CNTNAP1: variants seen among roughly 807,000 people sequenced by gnomAD.
The protein encoded by CNTNAP1 is contactin-associated protein 1.
In CNTNAP1, 80 loss-of-function variants were observed where a neutral mutation model predicts 161.5. The ratio of observed to expected loss-of-function variants is 0.50; its 90% CI spans 0.41 to 0.60. CNTNAP1 has a LOEUF of 0.60. CNTNAP1 is among the 20% of genes least tolerant of loss of function. The pLI, the probability that CNTNAP1 is intolerant of heterozygous loss-of-function variation, is 0.00. For synonymous variants in CNTNAP1, 695 were observed against 733.1 expected (o/e 0.95, Z 0.84); for missense variants, 1,464 against 1,854.8 (o/e 0.79, Z 3.87).
At chr17:42,692,194 T>G (rs1477942473) in intron 16 of CNTNAP1, among the ~76,000 whole-genome samples, 1 of 152,208 alleles carries the variant, frequency 6.6e-6, no homozygotes, top group Non-Finnish European at 1.5e-5. Context: ...TCTCTTGGCC[T>G]TAAGCCCCTT....
At chr17:42,693,963 C>T (rs1481790883) in intron 18 of CNTNAP1, among the ~76,000 whole-genome samples, 1 of 151,338 alleles carries the variant, frequency 6.6e-6, no homozygotes, top group Admixed American at 6.6e-5. Context: ...CTGGTTCAAG[C>T]GATTCTTTTG....
Position 42,698,226 on chromosome 17 carries a change from A to G in CNTNAP1, c.3862+276A>G, listed in dbSNP as rs1057490551. ...GCTACAGATTTTTAAATAAAATATT[A>G]AAATGAGACTATAGCTAAGGGATGG... On this transcript the variant is annotated intron_variant, in intron 23 of 23. Transcript: ENST00000264638. Among the ~76,000 whole-genome samples, 7 of 152,222 alleles carry G rather than the reference A, an allele frequency of 4.6e-5. No individual in the cohort carries two copies. In the East Asian group the frequency reaches 1.3e-3, roughly 29 times the overall value.
In CNTNAP1 at chr17:42,685,831, T is replaced by C. The variant is rs1597804508; in HGVS notation, c.716-126T>C. The stretch of plus-strand genomic sequence containing the variant: ...CCTGTCACACACTCGCCAATGGCTG[T>C]TGATCTATTCGCCCACTCTCCCTGA... On this transcript the variant is annotated intron_variant, in intron 5 of 23. Coordinates refer to ENST00000264638, the MANE Select transcript of CNTNAP1 (RefSeq NM_003632.3). The surrounding 1 kb of genome is among the most constrained non-coding windows in gnomAD (Gnocchi z 5.0). 1 of 970,962 alleles carries C rather than the reference T, an allele frequency of 1.0e-6. No individual in the cohort carries two copies. The highest frequency in any genetic ancestry group is 1.6e-5 in the South Asian group (1 of 60,926). 60.1% of individuals were successfully genotyped at this position (970,962 alleles called of 1,614,324 possible).
chr17:42,683,830 AC>A lies in CNTNAP1; in HGVS notation c.78del (p.Asp26GlufsTer33). The A allele has an allele frequency of 6.2e-7, 1 of 1,611,732 alleles. No individual in the cohort carries two copies. Among genetic ancestry groups the A allele is most frequent in the Non-Finnish European group, 8.5e-7 (1 of 1,179,938 alleles). On this transcript the variant is annotated frameshift_variant, in exon 2 of 24. Transcript: ENST00000264638. LOFTEE classifies it high-confidence loss of function. Reference protein sequence around the residue: ...GAEGWGYYGCDEELVGPLYAR... With the variant: ...GAEGWGYYGCXEELVGPLYAR... The stretch of plus-strand genomic sequence containing the variant: ...GGTTTCCCTACCCTAGACGGCTGCG[AC>A]GAGGAGCTGGTGGGTCCCCTGTATG...
chr17:42,697,558 A>T lies in CNTNAP1; in HGVS notation c.3573A>T (p.Thr1191=), dbSNP rs773634370. The change falls in exon 22 of 24, where the codon ACA becomes ACT. Residue 1191 remains threonine, a synonymous_variant. Coordinates refer to ENST00000264638, the MANE Select transcript of CNTNAP1 (RefSeq NM_003632.3). ...KALYLGRVME[T]GVIDPEIQRY... ...CTGGGCCTGCCTCTCTCTCAGAGAC[A>T]GGAGTCATTGACCCGGAGATCCAGC... 6.2e-7 allele frequency: 1 copy of T among 1,614,048 alleles called. No individual in the cohort carries two copies. The highest frequency in any genetic ancestry group is 8.5e-7 in the Non-Finnish European group (1 of 1,179,986).
Position 42,687,136 on chromosome 17 carries a change from T to C in CNTNAP1, c.1044+90T>C. Reference sequence around the variant, plus strand: ...GCGGGAAGAGATATTGAACATCAGATAAAAGCGGAGAATCCCTCTGTCCCC... The same window carrying C: ...GCGGGAAGAGATATTGAACATCAGACAAAAGCGGAGAATCCCTCTGTCCCC... On this transcript the variant is annotated intron_variant, in intron 7 of 23. Coordinates refer to ENST00000264638, the MANE Select transcript of CNTNAP1 (RefSeq NM_003632.3). This position sits in a 1 kb window ranked among gnomAD's most constrained non-coding sequence, Gnocchi z 4.7. The C allele has an allele frequency of 3.9e-6, 6 of 1,519,804 alleles. No homozygotes were observed. Among genetic ancestry groups the C allele is most frequent in the Non-Finnish European group, 5.4e-6 (6 of 1,120,624 alleles). The allele number at this position is 1,519,804 out of a possible 1,614,324, so 94.1% of individuals were successfully genotyped here.
In CNTNAP1 at chr17:42,684,156, T is replaced by C; in HGVS notation, c.290T>C (p.Val97Ala). Residue 97 changes from valine to alanine, a missense_variant, in exon 3 of 24, where the codon GTC becomes GCC. By Grantham distance (64) the Val-to-Ala change is moderately conservative. Coordinates refer to ENST00000264638, the MANE Select transcript of CNTNAP1 (RefSeq NM_003632.3). ...GGCTCCTTTAATTCTTGGGACTGGG[T>C]CACACGTTACATGCTACTCTACGGC... is the stretch of plus-strand genomic sequence containing the variant. Reference protein sequence around the residue: ...TQGSFNSWDWVTRYMLLYGDR... With the variant: ...TQGSFNSWDWATRYMLLYGDR... The C allele has an allele frequency of 6.2e-7, 1 of 1,614,122 alleles. No homozygotes were observed. The highest frequency in any genetic ancestry group is 8.5e-7 in the Non-Finnish European group (1 of 1,180,014).
In CNTNAP1 at chr17:42,683,942, A is replaced by G. The variant is rs1280001705; in HGVS notation, c.169+20A>G. ...TGCACGGTGAGCTCCGCGGAACATC[A>G]GCTGCCAACTGGCAGCGCACCGCGG... is the stretch of plus-strand genomic sequence containing the variant. On this transcript the variant is annotated intron_variant, in intron 2 of 23. Coordinates refer to ENST00000264638, the MANE Select transcript of CNTNAP1 (RefSeq NM_003632.3). The G allele has an allele frequency of 1.9e-6, 3 of 1,613,386 alleles. No homozygotes were observed. The South Asian group carries it at 3.3e-5, about 18-fold the overall frequency.
At chr17:42,686,806 C>A in intron 6 of CNTNAP1, 97 bp from the exon 7 acceptor site, 1 of 1,388,070 alleles carries the variant, frequency 7.2e-7, no homozygotes. Context: ...TTTTACAAAA[C>A]CCCATCTGGC....
chr17:42,687,670 G>A lies in CNTNAP1; in HGVS notation c.1045-50G>A. The A allele has an allele frequency of 6.3e-7, 1 of 1,592,922 alleles. No homozygotes were observed. The highest frequency in any genetic ancestry group is 8.6e-7 in the Non-Finnish European group (1 of 1,168,036). The stretch of plus-strand genomic sequence containing the variant: ...CGGTGTGAAAACTGAATTCCCAGCT[G>A]AGGCAGAGGCGGCTCACGGGTGTTG... On this transcript the variant is annotated intron_variant, in intron 7 of 23. Transcript: ENST00000264638. The surrounding 1 kb of genome is among the most constrained non-coding windows in gnomAD (Gnocchi z 4.7).
chr17:42,682,618 G>A lies in CNTNAP1; in HGVS notation c.-212G>A, dbSNP rs1301596187. 11 of 595,362 alleles carry A rather than the reference G, an allele frequency of 1.8e-5. No homozygotes were observed. The highest frequency in any genetic ancestry group is 1.6e-4 in the South Asian group (8 of 50,912). The allele number at this position is 595,362 out of a possible 1,614,324, so 36.9% of individuals were successfully genotyped here. A position where few individuals can be genotyped will look rare whatever the true frequency, so the allele number is the denominator to read the frequency against. On this transcript the variant is annotated 5_prime_UTR_variant, in exon 1 of 24. Coordinates refer to ENST00000264638, the MANE Select transcript of CNTNAP1 (RefSeq NM_003632.3). ...GAAAGGAGAGGATAGAGAGAGAAGA[G>A]CGGAGGACCAGGAACCAGAGAGAGA...
At chr17:42,698,580 A>C in intron 23 of CNTNAP1, 38 bp from the exon 24 acceptor site, 1 of 1,523,796 alleles carries the variant, frequency 6.6e-7, no homozygotes. Context: ...TACAGGTGAG[A>C]TCCCAAAGAT....
At position 42,695,511 on chromosome 17, in the gene CNTNAP1, C is replaced by T; in HGVS notation, c.2993-10C>T. The T allele has an allele frequency of 2.5e-6, 4 of 1,596,384 alleles. No individual in the cohort carries two copies. The highest frequency in any genetic ancestry group is 3.4e-6 in the Non-Finnish European group (4 of 1,167,222). On this transcript the variant is annotated splice_polypyrimidine_tract_variant and intron_variant, in intron 18 of 23. Coordinates refer to ENST00000264638, the MANE Select transcript of CNTNAP1 (RefSeq NM_003632.3). ...TGTGGGGGCCCTAACCTCCCTGCTT[C>T]TACCTGCAGATATTGGTGGTTTCTT...
Position 42,696,127 on chromosome 17 carries a change from G to A in CNTNAP1, c.3449G>A (p.Arg1150His), listed in dbSNP as rs751189554. 29 of 1,614,088 alleles carry A rather than the reference G, an allele frequency of 1.8e-5. No individual in the cohort carries two copies. Among genetic ancestry groups the A allele is most frequent in the Non-Finnish European group, 2.2e-5 (26 of 1,180,012 alleles). ...DGQPHSINIT[R>H]VYRNLFIQVD... ...CAGCCCCATAGCATCAATATCACCCGTGTTTACCGGAACCTCTTCATCCAG... is the reference window on the plus strand; with the variant it reads ...CAGCCCCATAGCATCAATATCACCCATGTTTACCGGAACCTCTTCATCCAG... Residue 1150 changes from arginine (R) to histidine (H), a missense_variant, in exon 20 of 24, where the codon CGT becomes CAT. Physicochemically the swap from Arg to His is conservative, Grantham distance 29. Coordinates refer to ENST00000264638, the MANE Select transcript of CNTNAP1 (RefSeq NM_003632.3).
At chr17:42,686,377 T>A (rs941518190) in intron 6 of CNTNAP1, among the ~76,000 whole-genome samples, 11 of 149,852 alleles carry the variant, frequency 7.3e-5, no homozygotes, top group South Asian at 2.1e-4. Context: ...TACCTCTATT[T>A]AAAAAAATTT....
rs781106916 is a variant in CNTNAP1, at chr17:42,691,443, T to C, written c.2276T>C (p.Ile759Thr). Residue 759 changes from isoleucine (I) to threonine (T), a missense_variant, in exon 15 of 24, where the codon ATA becomes ACA. Ile to Thr is a moderately conservative substitution (Grantham distance 89). Around this residue, in one of 3 missense-constraint regions of CNTNAP1, gnomAD observed 1,383 missense variants for 1,765.0 expected, o/e 0.78. Coordinates refer to ENST00000264638, the MANE Select transcript of CNTNAP1 (RefSeq NM_003632.3). This position sits in a 1 kb window ranked among gnomAD's most constrained non-coding sequence, Gnocchi z 4.3. ...VDHLPVTQVVIGDTNRSTSEA... is the reference protein window; with the variant it reads ...VDHLPVTQVVTGDTNRSTSEA... ...CATCTGCCTGTCACTCAGGTAGTGA[T>C]AGGGGATACGAACCGCTCCACTTCT... 5 of 1,613,950 alleles carry C rather than the reference T, an allele frequency of 3.1e-6. No homozygotes were observed. The highest frequency in any genetic ancestry group is 1.6e-4 in the Middle Eastern group (1 of 6,084).
In CNTNAP1 at chr17:42,692,579, A is replaced by G. The variant is rs760298762; in HGVS notation, c.2611A>G (p.Asn871Asp). Residue 871 changes from asparagine to aspartate, a missense_variant, in exon 17 of 24, where the codon AAT becomes GAT. Transcript: ENST00000264638. The part of the protein sequence containing the change: ...LTVHSDDFEF[N>D]DDEWHLVRAE... ...AGTACACTCAGACGACTTTGAGTTC[A>G]ATGATGACGAGTGGCACCTGGTCCG... 3 of 1,614,224 alleles carry G rather than the reference A, an allele frequency of 1.9e-6. No homozygotes were observed. The highest frequency in any genetic ancestry group is 1.7e-5 in the Admixed American group (1 of 60,028).
At position 42,682,805 on chromosome 17, in the gene CNTNAP1, C is replaced by T; in HGVS notation, c.-25C>T. ...CTAGCCGGAGCCGTTCACAGGGAGG[C>T]GGCTGCCGGGACCGTCAGCCCTGCA... On this transcript the variant is annotated 5_prime_UTR_variant, in exon 1 of 24. Transcript: ENST00000264638. 2.6e-6 allele frequency: 4 copies of T among 1,553,898 alleles called. No homozygotes were observed. Among genetic ancestry groups the T allele is most frequent in the Non-Finnish European group, 3.5e-6 (4 of 1,151,440 alleles).
chr17:42,690,566 T>C (rs1351440333), intron 12 of CNTNAP1, among the ~76,000 whole-genome samples, 173 bp from the exon 13 acceptor site: 1 of 150,628 alleles, frequency 6.6e-6, no homozygotes, highest in East Asian at 1.9e-4. Flanking sequence ...TCCTTACCCA[T>C]TCCAGCTATC....
Sources: gnomAD v4.1 joint callset for allele counts (sites outside exome capture counted in the v4.1 genomes callset) on GRCh38, gnomAD v4.1.1 for gene constraint, gnomAD v4.1.1 regional missense constraint, Gnocchi (gnomAD v3.1) non-coding constraint, MANE v1.5 for transcripts, NCBI Gene and HGNC (gene_info 2026-07-23, HGNC 2026-07-21) for gene names.